VPS37A: variants seen among roughly 807,000 people sequenced by gnomAD.
VPS37A encodes vacuolar protein sorting-associated protein 37A.
A neutral mutation model predicts 49.8 loss-of-function variants in VPS37A; 30 were observed. The observed-to-expected ratio is 0.60, with a 90% confidence interval of 0.45 to 0.82. The LOEUF (loss-of-function observed/expected upper bound fraction) is 0.82. Among genes scored for constraint, VPS37A ranks in the 40% least tolerant of loss-of-function variants. The pLI, the probability that VPS37A is intolerant of heterozygous loss-of-function variation, is 0.00. For missense variants in VPS37A, 593 were observed against 464.4 expected (o/e 1.28, Z -2.55); for synonymous variants, 195 against 160.6 (o/e 1.21, Z -1.62).
chr8:17,254,145 T>G lies in VPS37A; in HGVS notation c.125+6776T>G, dbSNP rs1812221112. On this transcript the variant is annotated intron_variant, in intron 1 of 11. Transcript: ENST00000324849. ...ATTCAAACCTTTATGACGTTCTCGTTTCTGTATTTGAGCTTCCCTGTTGAC... is the reference window on the plus strand; with the variant it reads ...ATTCAAACCTTTATGACGTTCTCGTGTCTGTATTTGAGCTTCCCTGTTGAC... Among the ~76,000 whole-genome samples, 2 of 152,158 alleles carry G rather than the reference T, an allele frequency of 1.3e-5. 1 individual carries two copies. The highest frequency in any genetic ancestry group is 4.1e-4 in the South Asian group (2 of 4,828).
intron 6 of VPS37A, among the ~76,000 whole-genome samples, chr8:17,278,338 C>G (rs1814719184): frequency 6.6e-6 from 1 of 152,004 alleles, no homozygotes; most frequent in African/African-American, 2.4e-5. Context: ...ATCATTACCA[C>G]CAGAATTTAT....
At chr8:17,283,805 T>A (rs1350255372) in intron 9 of VPS37A, among the ~76,000 whole-genome samples, 1 of 152,224 alleles carries the variant, frequency 6.6e-6, no homozygotes, top group Non-Finnish European at 1.5e-5. Flanking sequence ...TTTTGGCTAT[T>A]TGGGGTCTCT....
chr8:17,303,539 G>C (rs181536202), downstream of VPS37A, among the ~76,000 whole-genome samples: 1 of 151,750 alleles, frequency 6.6e-6, no homozygotes, highest in Non-Finnish European at 1.5e-5. Flanking sequence ...AAAAACATAC[G>C]TATCTAGCAC....
downstream of VPS37A, chr8:17,304,400 G>T: frequency 1.2e-6 from 2 of 1,613,924 alleles, no homozygotes; most frequent in Non-Finnish European, 1.7e-6. Flanking sequence ...GTTACATGGT[G>T]TTGTAGGGAG....
chr8:17,314,594 T>C, the VPS37A span, among the ~76,000 whole-genome samples: 3 of 152,168 alleles, frequency 2.0e-5, no homozygotes, highest in Admixed American at 2.0e-4. Flanking sequence ...TTCACTGTGA[T>C]TTCCTGCAGC....
At chr8:17,254,987 G>A (rs1401309202) in intron 1 of VPS37A, among the ~76,000 whole-genome samples, 1 of 152,120 alleles carries the variant, frequency 6.6e-6, no homozygotes, top group Non-Finnish European at 1.5e-5. Flanking sequence ...TGAGGAAAAT[G>A]CATGACATCA....
intron 4 of VPS37A, among the ~76,000 whole-genome samples, chr8:17,270,046 G>C (rs966924150): frequency 6.6e-6 from 1 of 152,024 alleles, no homozygotes; most frequent in Admixed American, 6.5e-5. Context: ...AGTGAGGAGT[G>C]GGGGAGGTAC....
At chr8:17,292,337 C>G (rs887216959) in intron 11 of VPS37A, among the ~76,000 whole-genome samples, 2 of 152,150 alleles carry the variant, frequency 1.3e-5, no homozygotes, top group African/African-American at 4.8e-5. Flanking sequence ...TTCCTCCATC[C>G]CTTTATTTTA....
the VPS37A span, among the ~76,000 whole-genome samples, chr8:17,327,190 C>A: frequency 6.6e-6 from 1 of 152,180 alleles, no homozygotes; most frequent in African/African-American, 2.4e-5. Context: ...ATTAATCAGT[C>A]TACTACTGTT....
At chr8:17,280,594 C>T in intron 9 of VPS37A, 151 bp downstream of exon 9, 1 of 676,122 alleles carries the variant, frequency 1.5e-6, no homozygotes, top group Non-Finnish European at 2.4e-6. Flanking sequence ...ATGAACAGCT[C>T]TCAGTGATGA....
At chr8:17,313,473 G>A in the VPS37A span, 2 of 992,124 alleles carry the variant, frequency 2.0e-6, no homozygotes, top group Non-Finnish European at 3.0e-6. Context: ...ATGTTTTATA[G>A]GTAGTTTGTT....
the VPS37A span, among the ~76,000 whole-genome samples, chr8:17,312,574 CAAAAAAAAAA>C: frequency 3.4e-5 from 3 of 87,252 alleles, no homozygotes; most frequent in East Asian, 3.5e-4. Context: ...GACTCCCTCT[CAAAAAAAAAA>C]AAAAAAAAAA....
At chr8:17,271,134 G>A (rs372006474) in intron 4 of VPS37A, among the ~76,000 whole-genome samples, 24 of 152,180 alleles carry the variant, frequency 1.6e-4, no homozygotes, top group South Asian at 4.1e-4. Flanking sequence ...AGTAATTTTC[G>A]TTTCTTGGTT....
At chr8:17,249,615 C>G (rs1024393483) in intron 1 of VPS37A, among the ~76,000 whole-genome samples, 1 of 152,152 alleles carries the variant, frequency 6.6e-6, no homozygotes, top group Non-Finnish European at 1.5e-5. Context: ...CTCACCTATT[C>G]TTGTTAGTCC....
intron 4 of VPS37A, among the ~76,000 whole-genome samples, chr8:17,271,446 A>G (rs1306547730): frequency 2.0e-5 from 3 of 152,154 alleles, no homozygotes; most frequent in African/African-American, 7.2e-5. Context: ...TCTACTAAAA[A>G]TACAAAAAAG....
chr8:17,308,435 T>G, the VPS37A span, among the ~76,000 whole-genome samples: 1 of 152,168 alleles, frequency 6.6e-6, no homozygotes, highest in South Asian at 2.1e-4. Flanking sequence ...ATAGAATTCC[T>G]GAAAATCACA....
chr8:17,248,164 A>G (rs1811540367), intron 1 of VPS37A: 2 of 367,080 alleles, frequency 5.4e-6, no homozygotes, highest in African/African-American at 4.2e-5. Context: ...AAAAATTAGA[A>G]CTGCTTCTTT....
Position 17,296,624 on chromosome 8 carries a change from C to T in VPS37A, c.*1638C>T, listed in dbSNP as rs1445547398. 2 of 152,042 alleles carry T rather than the reference C, an allele frequency of 1.3e-5. No homozygotes were observed. Among genetic ancestry groups the T allele is most frequent in the Non-Finnish European group, 2.9e-5 (2 of 68,004 alleles). The allele number at this position is 152,042 out of a possible 1,614,324, so 9.4% of individuals were successfully genotyped here. A position where few individuals can be genotyped will look rare whatever the true frequency, so the allele number is the denominator to read the frequency against. ...ACCACAGCCCCTCATTTGATTAATT[C>T]ATTTGATCTATCTATGTTATTAAGT... On this transcript the variant is annotated 3_prime_UTR_variant, in exon 12 of 12. Coordinates refer to ENST00000324849, the MANE Select transcript of VPS37A (RefSeq NM_152415.3).
At chr8:17,322,647 C>A in the VPS37A span, among the ~76,000 whole-genome samples, 1 of 151,884 alleles carries the variant, frequency 6.6e-6, no homozygotes, top group Admixed American at 6.6e-5. Context: ...TAGCAAGACC[C>A]CATCTCTACA....
Sources: allele counts gnomAD v4.1 joint callset (sites outside exome capture counted in the v4.1 genomes callset), GRCh38; gene constraint gnomAD v4.1.1; transcripts MANE v1.5; gene names NCBI Gene and HGNC (gene_info 2026-07-23, HGNC 2026-07-21).